Variants in DISP1 observed in about 807,000 individuals in gnomAD.
DISP1 encodes dispatched RND transporter family member 1, also known as protein dispatched homolog 1.
A neutral mutation model predicts 37.3 loss-of-function variants in DISP1; 30 were observed. That is an observed-to-expected ratio of 0.80 (90% CI 0.60 to 1.09). The LOEUF (loss-of-function observed/expected upper bound fraction) is 1.09. Ranked by LOEUF, DISP1 falls within the 50% of genes least tolerant of loss-of-function variation. The pLI, the probability that DISP1 is intolerant of heterozygous loss-of-function variation, is 0.00. For synonymous variants in DISP1, 634 were observed against 690.2 expected (o/e 0.92, Z 1.28); for missense variants, 1,598 against 1,879.5 (o/e 0.85, Z 2.77).
chr1:222,984,471 ATGT>A (rs1678120803), intron 4 of DISP1, among the ~76,000 whole-genome samples: 1 of 145,114 alleles, frequency 6.9e-6, no homozygotes, highest in Non-Finnish European at 1.5e-5. Flanking sequence ...GTACTCATAT[ATGT>A]TATATATAAC....
intron 2 of DISP1, among the ~76,000 whole-genome samples, chr1:222,939,355 A>AT (rs35313341): frequency 0.069 from 7,760 of 112,864 alleles, 385 homozygotes; most frequent in South Asian, 0.14. Context: ...AAGAAAAATA[A>AT]TTTTTTTTTT....
At chr1:222,986,489 T>C (rs1678285153) in intron 4 of DISP1, among the ~76,000 whole-genome samples, 2 of 152,188 alleles carry the variant, frequency 1.3e-5, no homozygotes, top group South Asian at 4.1e-4. Context: ...AACCCAATAA[T>C]AAGGTGACTG....
intron 1 of DISP1, among the ~76,000 whole-genome samples, chr1:222,897,377 T>C (rs1558317340): frequency 6.6e-6 from 1 of 152,204 alleles, no homozygotes; most frequent in Non-Finnish European, 1.5e-5. Context: ...AAATATTCTG[T>C]AACTTCATTG....
chr1:222,883,404 G>C (rs1241105362), intron 1 of DISP1, among the ~76,000 whole-genome samples: 3 of 152,158 alleles, frequency 2.0e-5, no homozygotes, highest in Non-Finnish European at 2.9e-5. Context: ...CTGATCACGA[G>C]GTCAGGAGTT....
rs895558948 is a variant in DISP1, at chr1:222,990,505, G to A, written c.540-120G>A. 39 of 1,420,640 alleles carry A rather than the reference G, an allele frequency of 2.7e-5. No homozygotes were observed. The African/African-American group carries it at 5.1e-4, about 18-fold the overall frequency. The allele number at this position is 1,420,640 out of a possible 1,614,324, so 88.0% of individuals were successfully genotyped here. A position where few individuals can be genotyped will look rare whatever the true frequency, so the allele number is the denominator to read the frequency against. ...ACCTGTATGTAGTCTACAATATGAG[G>A]ATTTAATAAATTGCTGTCTTAGGTA... On this transcript the variant is annotated intron_variant, in intron 4 of 8. Transcript: ENST00000675850.
chr1:222,897,591 A>G (rs534241832), intron 1 of DISP1, among the ~76,000 whole-genome samples: 7 of 152,136 alleles, frequency 4.6e-5, no homozygotes, highest in African/African-American at 1.7e-4. Flanking sequence ...ATTTATGAGG[A>G]GTTGTACTGT....
chr1:222,958,741 G>A lies in DISP1; in HGVS notation c.509+15409G>A, dbSNP rs118161244. 1.7e-3 allele frequency among the ~76,000 whole-genome samples: 261 copies of A among 152,160 alleles called. 6 individuals carry two copies. In the East Asian group the frequency reaches 0.04, roughly 23 times the overall value. The stretch of plus-strand genomic sequence containing the variant: ...TTGTGAATTAAGTCTTTAAAATTTA[G>A]ATTATATTATAGAATATGCTTAACC... On this transcript the variant is annotated intron_variant, in intron 3 of 8. Transcript: ENST00000675850.
chr1:222,833,484 T>C (rs1475415148), intron 1 of DISP1, among the ~76,000 whole-genome samples: 1 of 152,198 alleles, frequency 6.6e-6, no homozygotes, highest in East Asian at 1.9e-4. Flanking sequence ...TTGAATAGTT[T>C]AGTTATATAT....
intron 7 of DISP1, among the ~76,000 whole-genome samples, chr1:222,994,361 C>G (rs1678909777): frequency 6.6e-6 from 1 of 152,140 alleles, no homozygotes; most frequent in East Asian, 1.9e-4. Context: ...TTTCTAGCCT[C>G]TAGTGTACCA....
At chr1:222,982,537 A>G (rs184626145) in intron 3 of DISP1, among the ~76,000 whole-genome samples, 1 of 152,362 alleles carries the variant, frequency 6.6e-6, no homozygotes, top group East Asian at 1.9e-4. Context: ...AGTATGGGAA[A>G]GAGCTGATTG....
chr1:222,863,668 T>G (rs945328411), intron 1 of DISP1, among the ~76,000 whole-genome samples: 5 of 152,216 alleles, frequency 3.3e-5, no homozygotes, highest in African/African-American at 9.6e-5. Context: ...GGCATTTTAC[T>G]CTAAGAAAGA....
rs145067271 is a variant in DISP1 at position 222,939,503 on chromosome 1, A to G, written c.-17-3304A>G. ...TTGATGGGATTCTGTCTGAAGCCCAATGTATTCAGTTCTTGCACTACCATA... is the reference window on the plus strand; with the variant it reads ...TTGATGGGATTCTGTCTGAAGCCCAGTGTATTCAGTTCTTGCACTACCATA... On this transcript the variant is annotated intron_variant, in intron 2 of 8. Transcript: ENST00000675850. Among the ~76,000 whole-genome samples, 647 of 151,952 alleles carry G rather than the reference A, an allele frequency of 4.3e-3. 1 individual carries two copies. The highest frequency in any genetic ancestry group is 7.0e-3 in the Non-Finnish European group (475 of 67,968).
intron 1 of DISP1, among the ~76,000 whole-genome samples, chr1:222,913,608 A>C (rs17476913): frequency 0.18 from 27,787 of 152,058 alleles, 2,693 homozygotes; most frequent in Admixed American, 0.25. Flanking sequence ...CTAAACATTC[A>C]GTAAAGGAGT....
At chr1:222,864,137 C>T (rs1248679135) in intron 1 of DISP1, among the ~76,000 whole-genome samples, 1 of 152,152 alleles carries the variant, frequency 6.6e-6, no homozygotes, top group East Asian at 1.9e-4. Flanking sequence ...ATTGACTCTT[C>T]CAGTTCAAAT....
At chr1:222,946,750 G>A (rs931147748) in intron 3 of DISP1, among the ~76,000 whole-genome samples, 1 of 152,206 alleles carries the variant, frequency 6.6e-6, no homozygotes, top group Admixed American at 6.5e-5. Flanking sequence ...AGTTACAGAT[G>A]GAGAGAGAAT....
At position 223,000,887 on chromosome 1, in the gene DISP1, GA is replaced by G. The variant is rs149118829; in HGVS notation, c.988-1488del. On this transcript the variant is annotated intron_variant, in intron 8 of 8. Transcript: ENST00000675850. Reference sequence around the variant, plus strand: ...GTAAAGAGTGTTTTTAATCCTACTAGAAAAAAAAAATATTCACTTCCTCTTT... The same window carrying G: ...GTAAAGAGTGTTTTTAATCCTACTAGAAAAAAAAATATTCACTTCCTCTTT... Among the ~76,000 whole-genome samples, 593 of 149,262 alleles carry G rather than the reference GA, an allele frequency of 4.0e-3. 3 individuals are homozygous for G. Among genetic ancestry groups the G allele is most frequent in the Middle Eastern group, 7.0e-3 (2 of 284 alleles).
rs2102805283 is a variant in DISP1 at position 223,004,494 on chromosome 1, G to A, written c.3097G>A (p.Glu1033Lys). The A allele has an allele frequency of 1.2e-6, 2 of 1,614,226 alleles. No individual in the cohort carries two copies. Among genetic ancestry groups the A allele is most frequent in the Non-Finnish European group, 1.7e-6 (2 of 1,180,032 alleles). Residue 1033 changes from glutamate (E) to lysine (K), a missense_variant, in exon 9 of 9, where the codon GAG becomes AAG. Transcript: ENST00000675850. The surrounding 1 kb of genome is among the most constrained non-coding windows in gnomAD (Gnocchi z 4.9). ...TVGSLVLLGW[E>K]LNVLESVTIS... ...TGGTTCTCTTGTCCTGCTGGGCTGG[G>A]AGCTCAATGTGTTGGAATCTGTCAC...
intron 1 of DISP1, among the ~76,000 whole-genome samples, chr1:222,910,994 T>TG (rs1201291327): frequency 6.6e-6 from 1 of 152,212 alleles, no homozygotes; most frequent in Non-Finnish European, 1.5e-5. Context: ...CCTTTTTAGC[T>TG]GACTTTTTTC....
intron 1 of DISP1, among the ~76,000 whole-genome samples, chr1:222,927,515 T>C (rs1202584490): frequency 2.0e-5 from 3 of 152,204 alleles, no homozygotes; most frequent in Admixed American, 2.0e-4. Flanking sequence ...TTCTTGATAA[T>C]GTCTTTTGAT....
Sources: gnomAD v4.1 joint callset for allele counts (sites outside exome capture counted in the v4.1 genomes callset) on GRCh38, gnomAD v4.1.1 for gene constraint, Gnocchi (gnomAD v3.1) non-coding constraint, MANE v1.5 for transcripts, NCBI Gene and HGNC (gene_info 2026-07-23, HGNC 2026-07-21) for gene names.